Variants in TEX15 observed in about 807,000 individuals in gnomAD.
TEX15 encodes testis-expressed protein 15.
In TEX15, 171 loss-of-function variants were observed where a neutral mutation model predicts 237.3. The ratio of observed to expected loss-of-function variants is 0.72; its 90% CI spans 0.64 to 0.82. The LOEUF (loss-of-function observed/expected upper bound fraction) is 0.82. TEX15 is among the 40% of genes least tolerant of loss of function. The probability of loss-of-function intolerance (pLI) is 0.00; values close to 1 mark genes in which losing one functional copy is unlikely to be tolerated. For missense variants in TEX15, 3,750 were observed against 3,646.5 expected (o/e 1.03, Z -0.73); for synonymous variants, 1,338 against 1,269.8 (o/e 1.05, Z -1.14).
intron 2 of TEX15, chr8:30,887,742 A>T (rs189463567): frequency 6.5e-6 from 1 of 154,078 alleles, no homozygotes. Context: ...CGGAGGTTGC[A>T]GTGAGCTGAG....
chr8:30,858,647 A>G, intron 7 of TEX15, 21 bp downstream of exon 7: 9 of 1,509,810 alleles, frequency 6.0e-6, no homozygotes, highest in Non-Finnish European at 7.9e-6. Flanking sequence ...TTAATCAAGT[A>G]CAATCATATG....
In TEX15 at chr8:30,848,914, T is replaced by C; in HGVS notation, c.1253A>G (p.Asn418Ser). 6.2e-7 allele frequency: 1 copy of C among 1,614,202 alleles called. No homozygotes were observed. The highest frequency in any genetic ancestry group is 8.5e-7 in the Non-Finnish European group (1 of 1,180,028). ...AGTGACTGTGCTTGAGCCAGTATTG[T>C]TGTGAAGAGGAAAAGAAGCATTAAG... is the stretch of plus-strand genomic sequence containing the variant. ...SGLNASFPLHNNTGSSTVTTS... is the reference protein window; with the variant it reads ...SGLNASFPLHSNTGSSTVTTS... The change falls in exon 8 of 11, where the codon AAC becomes AGC. Residue 418 changes from asparagine to serine, a missense_variant. Coordinates refer to ENST00000643185, the MANE Select transcript of TEX15 (RefSeq NM_001350162.2).
At position 30,846,719 on chromosome 8, in the gene TEX15, G is replaced by A. The variant is rs1438648541; in HGVS notation, c.3448C>T (p.Pro1150Ser). The change falls in exon 8 of 11, where the codon CCA (proline) becomes TCA (serine). Residue 1150 changes from proline (P) to serine (S), a missense_variant. Transcript: ENST00000643185. ...TQNNETELTS[P>S]ILLPDLQIKI... ...ATTTGTAGATCTGGAAGTAAAATTG[G>A]GCTGGTAAGTTCTGTTTCATTGTTT... is the stretch of plus-strand genomic sequence containing the variant. 3.1e-6 allele frequency: 5 copies of A among 1,613,342 alleles called. No individual in the cohort carries two copies. The East Asian group carries it at 1.1e-4, about 36-fold the overall frequency.
chr8:30,846,317 T>C lies in TEX15; in HGVS notation c.3850A>G (p.Thr1284Ala), dbSNP rs1477481224. 1 of 1,612,740 alleles carries C rather than the reference T, an allele frequency of 6.2e-7. No individual in the cohort carries two copies. The highest frequency in any genetic ancestry group is 1.1e-5 in the South Asian group (1 of 90,966). ...GSRCFFTKSK[T>A]DYNDTKNKKE... is the part of the protein sequence containing the mutation. Reference sequence around the variant, plus strand: ...TTATTTTTGGTATCATTATAGTCAGTTTTTGATTTTGTAAAGAAACATCTG... The same window carrying C: ...TTATTTTTGGTATCATTATAGTCAGCTTTTGATTTTGTAAAGAAACATCTG... The change falls in exon 8 of 11, where the codon ACT becomes GCT. Residue 1284 changes from threonine (T) to alanine (A), a missense_variant. Physicochemically the swap from Thr to Ala is moderately conservative, Grantham distance 58. Coordinates refer to ENST00000643185, the MANE Select transcript of TEX15 (RefSeq NM_001350162.2).
Position 30,849,092 on chromosome 8 carries a change from C to T in TEX15, c.1075G>A (p.Gly359Arg), listed in dbSNP as rs1405254686. The change falls in exon 8 of 11, where the codon GGA becomes AGA. Residue 359 changes from glycine (G) to arginine (R), a missense_variant. Physicochemically the swap from Gly to Arg is moderately radical, Grantham distance 125. Coordinates refer to ENST00000643185, the MANE Select transcript of TEX15 (RefSeq NM_001350162.2). The stretch of plus-strand genomic sequence containing the variant: ...TCTGCTAAACTGTGCTCTGTCTGTC[C>T]ACTGTATGTTTCAGGTATAGAAATG... ...GNISIPETYSGQTEHSLAEIR... is the reference protein window; with the variant it reads ...GNISIPETYSRQTEHSLAEIR... 5 of 1,612,774 alleles carry T rather than the reference C, an allele frequency of 3.1e-6. No individual in the cohort carries two copies. The highest frequency in any genetic ancestry group is 1.1e-5 in the South Asian group (1 of 91,012).
Position 30,846,641 on chromosome 8 carries a change from C to T in TEX15, c.3526G>A (p.Ala1176Thr). The change falls in exon 8 of 11, where the codon GCA becomes ACA. Residue 1176 changes from alanine (A) to threonine (T), a missense_variant. Ala to Thr is a moderately conservative substitution (Grantham distance 58). Coordinates refer to ENST00000643185, the MANE Select transcript of TEX15 (RefSeq NM_001350162.2). ...PGFSPTADSL[A>T]LKDSFCTHVT... ...TGTGTGCAAAAACTATCTTTCAATG[C>T]AAGGGAGTCAGCTGTCGGGCTGAAT... 6.2e-7 allele frequency: 1 copy of T among 1,613,850 alleles called. No individual in the cohort carries two copies. Among genetic ancestry groups the T allele is most frequent in the Non-Finnish European group, 8.5e-7 (1 of 1,179,842 alleles).
chr8:30,880,169 T>C (rs1413894833), intron 3 of TEX15, among the ~76,000 whole-genome samples: 1 of 152,018 alleles, frequency 6.6e-6, no homozygotes, highest in African/African-American at 2.4e-5. Flanking sequence ...GCTGGGATTA[T>C]AGGCACCCAC....
At chr8:30,906,642 T>C (rs571655883) in intron 1 of TEX15, among the ~76,000 whole-genome samples, 115 of 151,530 alleles carry the variant, frequency 7.6e-4, no homozygotes, top group African/African-American at 2.2e-3. Context: ...ATTAAAGTGC[T>C]TGTATTTGTA....
At position 30,837,407 on chromosome 8, in the gene TEX15, A is replaced by G; in HGVS notation, c.8877T>C (p.Thr2959=). 1 of 1,614,146 alleles carries G rather than the reference A, an allele frequency of 6.2e-7. No individual in the cohort carries two copies. The highest frequency in any genetic ancestry group is 2.2e-5 in the East Asian group (1 of 44,884). The part of the protein sequence containing the change: ...LQINKLQPTE[T]ESEDKYMKDT... ...CCTTCATGTATTTGTCCTCTGACTC[A>G]GTTTCTGTAGGCTGTAGTTTGTTTA... Residue 2959 remains threonine, a synonymous_variant, in exon 10 of 11, where the codon ACT becomes ACC. Transcript: ENST00000643185.
At chr8:30,904,493 A>G (rs1809061219) in intron 1 of TEX15, among the ~76,000 whole-genome samples, 1 of 151,856 alleles carries the variant, frequency 6.6e-6, no homozygotes, top group Non-Finnish European at 1.5e-5. Context: ...GAAATTGGTC[A>G]TAACTAAATA....
In TEX15 at chr8:30,867,129, A is replaced by T. The variant is rs188440243; in HGVS notation, c.540+136T>A. On this transcript the variant is annotated intron_variant, in intron 5 of 10. Coordinates refer to ENST00000643185, the MANE Select transcript of TEX15 (RefSeq NM_001350162.2). ...GAAAATTTTGAATAATGATGACAAA[A>T]ATAATAAATATAATTATTACTTATT... is the stretch of plus-strand genomic sequence containing the variant. The T allele has an allele frequency of 1.7e-4, 61 of 364,696 alleles. 3 individuals are homozygous for T. The highest frequency in any genetic ancestry group is 3.6e-4 in the South Asian group (3 of 8,418). 22.6% of individuals were successfully genotyped at this position (364,696 alleles called of 1,614,324 possible). A position where few individuals can be genotyped will look rare whatever the true frequency, so the allele number is the denominator to read the frequency against.
chr8:30,869,722 T>C (rs1269188149), intron 4 of TEX15, among the ~76,000 whole-genome samples: 1 of 151,996 alleles, frequency 6.6e-6, no homozygotes, highest in African/African-American at 2.4e-5. Flanking sequence ...ACCTCCTATC[T>C]CCTTGTGAGT....
intron 5 of TEX15, among the ~76,000 whole-genome samples, chr8:30,863,062 T>G (rs1257754021): frequency 1.3e-5 from 2 of 152,168 alleles, no homozygotes; most frequent in Non-Finnish European, 2.9e-5. Flanking sequence ...CTTGCAACTT[T>G]CAGGGGAACG....
At position 30,843,515 on chromosome 8, in the gene TEX15, A is replaced by G. The variant is rs1490745016; in HGVS notation, c.6652T>C (p.Leu2218=). 6.8e-6 allele frequency: 11 copies of G among 1,613,090 alleles called. No homozygotes were observed. The highest frequency in any genetic ancestry group is 9.3e-6 in the Non-Finnish European group (11 of 1,179,650). ...GGAGAGTCCCCACATACATTGATCAACTTTAAAGTACTTTTTCTTAAGATT... is the reference window on the plus strand; with the variant it reads ...GGAGAGTCCCCACATACATTGATCAGCTTTAAAGTACTTTTTCTTAAGATT... ...LEILRKSTLK[L]INVCGDSPKV... The change falls in exon 8 of 11, where the codon TTG becomes CTG. Residue 2218 remains leucine (L), a synonymous_variant. Transcript: ENST00000643185.
At chr8:30,860,172 C>CAGAAA in intron 5 of TEX15, 115 bp from the exon 6 acceptor site, 1 of 945,364 alleles carries the variant, frequency 1.1e-6, no homozygotes, top group Non-Finnish European at 1.5e-6. Context: ...GACAGGGTCT[C>CAGAAA]ACTCTGTTCA....
intron 3 of TEX15, among the ~76,000 whole-genome samples, chr8:30,881,115 T>C (rs2111860): frequency 0.2 from 30,268 of 152,080 alleles, 3,955 homozygotes; most frequent in African/African-American, 0.35. Context: ...CTCAGTTGTG[T>C]GCAATAATTC....
intron 1 of TEX15, among the ~76,000 whole-genome samples, chr8:30,912,581 G>A (rs2128781092): frequency 6.6e-6 from 1 of 152,336 alleles, no homozygotes; most frequent in South Asian, 2.1e-4. Flanking sequence ...GGGGGCAGAG[G>A]GAGAGCGAAA....
chr8:30,886,006 A>G (rs1177761374), intron 3 of TEX15, among the ~76,000 whole-genome samples: 1 of 152,154 alleles, frequency 6.6e-6, no homozygotes, highest in Non-Finnish European at 1.5e-5. Flanking sequence ...TCTTCATGGT[A>G]GCTGCTTTAA....
rs1243461430 is a variant in TEX15, at chr8:30,845,590, T to C, written c.4577A>G (p.Gln1526Arg). ...ATAATAAACTGACTGACTTGTACTTTGGGATGTGGAGGATACAGGCAACTG... is the reference window on the plus strand; with the variant it reads ...ATAATAAACTGACTGACTTGTACTTCGGGATGTGGAGGATACAGGCAACTG... ...ESQLPVSSTSQSTSQSVYYNS... is the reference protein window; with the variant it reads ...ESQLPVSSTSRSTSQSVYYNS... Residue 1526 changes from glutamine to arginine, a missense_variant, in exon 8 of 11, where the codon CAA becomes CGA. Physicochemically the swap from Gln to Arg is conservative, Grantham distance 43 (BLOSUM62 1). Transcript: ENST00000643185. 15 of 1,613,596 alleles carry C rather than the reference T, an allele frequency of 9.3e-6. No homozygotes were observed. Among genetic ancestry groups the C allele is most frequent in the East Asian group, 6.7e-5 (3 of 44,864 alleles).
Sources: gnomAD v4.1 joint callset for allele counts (sites outside exome capture counted in the v4.1 genomes callset) on GRCh38, gnomAD v4.1.1 for gene constraint, MANE v1.5 for transcripts, NCBI Gene and HGNC (gene_info 2026-07-23, HGNC 2026-07-21) for gene names.